GLT1D1: variants seen among roughly 807,000 people sequenced by gnomAD.
GLT1D1 encodes glycosyltransferase 1 domain containing 1.
In GLT1D1, 21 loss-of-function variants were observed where a neutral mutation model predicts 28.7. The observed-to-expected ratio is 0.73, with a 90% CI of 0.52 to 1.05. The LOEUF is 1.05. GLT1D1 is among the 50% of genes least tolerant of loss of function. The probability of loss-of-function intolerance (pLI) is 0.00; values close to 1 mark genes in which losing one functional copy is unlikely to be tolerated. For synonymous variants in GLT1D1, 147 were observed against 124.8 expected (o/e 1.18, Z -1.19); for missense variants, 343 against 330.6 (o/e 1.04, Z -0.29).
At chr12:128,969,289 C>G (rs1211281511) in intron 7 of GLT1D1, among the ~76,000 whole-genome samples, 5 of 152,116 alleles carry the variant, frequency 3.3e-5, no homozygotes, top group Admixed American at 2.6e-4. Flanking sequence ...CACTCTCTCT[C>G]TCTCTCCCTG....
chr12:128,968,335 T>C (rs1434184250), intron 7 of GLT1D1, among the ~76,000 whole-genome samples: 1 of 151,572 alleles, frequency 6.6e-6, no homozygotes, highest in Non-Finnish European at 1.5e-5. Flanking sequence ...GGTGGCTTAT[T>C]GTACGATACT....
At chr12:128,939,087 G>C (rs1229719235) in intron 4 of GLT1D1, among the ~76,000 whole-genome samples, 1 of 152,102 alleles carries the variant, frequency 6.6e-6, no homozygotes, top group African/African-American at 2.4e-5. Flanking sequence ...CACAAGACGA[G>C]GTTGCATAAG....
chr12:128,894,157 G>A (rs1355776490), intron 3 of GLT1D1, among the ~76,000 whole-genome samples: 2 of 152,142 alleles, frequency 1.3e-5, no homozygotes, highest in East Asian at 1.9e-4. Flanking sequence ...ACTGTATGGT[G>A]CTTGGATTAT....
chr12:128,956,750 A>G (rs1257018411), intron 6 of GLT1D1, among the ~76,000 whole-genome samples: 2 of 151,994 alleles, frequency 1.3e-5, no homozygotes, highest in Non-Finnish European at 2.9e-5. Context: ...TTTCCCTCTC[A>G]TGACTAGGGA....
intron 7 of GLT1D1, among the ~76,000 whole-genome samples, chr12:128,975,195 T>A (rs1352165354): frequency 6.6e-6 from 1 of 152,032 alleles, no homozygotes; most frequent in Non-Finnish European, 1.5e-5. Context: ...TCAGCGTGCT[T>A]ACACAGGGCC....
At chr12:128,979,895 A>G (rs1593222656) in intron 7 of GLT1D1, among the ~76,000 whole-genome samples, 1 of 152,256 alleles carries the variant, frequency 6.6e-6, no homozygotes, top group Non-Finnish European at 1.5e-5. Context: ...GTATTACAGT[A>G]CGGTTTTGCA....
At chr12:128,964,371 G>A (rs753885676) in intron 7 of GLT1D1, among the ~76,000 whole-genome samples, 4 of 152,188 alleles carry the variant, frequency 2.6e-5, no homozygotes, top group Non-Finnish European at 5.9e-5. Flanking sequence ...GTGACAGAGT[G>A]AGACCCTGTC....
chr12:128,975,396 C>T (rs1347492627), intron 7 of GLT1D1, among the ~76,000 whole-genome samples: 1 of 152,138 alleles, frequency 6.6e-6, no homozygotes, highest in African/African-American at 2.4e-5. Flanking sequence ...CTGACCCTAC[C>T]CAGTTGGCTT....
At chr12:128,923,094 C>T (rs545970862) in intron 4 of GLT1D1, among the ~76,000 whole-genome samples, 3 of 152,166 alleles carry the variant, frequency 2.0e-5, no homozygotes, top group African/African-American at 4.8e-5. Flanking sequence ...GATTTGCTCC[C>T]GTTGGGTATT....
intron 7 of GLT1D1, among the ~76,000 whole-genome samples, chr12:128,972,162 C>A (rs1593210680): frequency 6.6e-6 from 1 of 152,120 alleles, no homozygotes; most frequent in Non-Finnish European, 1.5e-5. Flanking sequence ...GAAGTGGCAG[C>A]TGCTCTAATG....
chr12:128,882,241 T>C (rs1957076167), intron 2 of GLT1D1, among the ~76,000 whole-genome samples: 1 of 151,712 alleles, frequency 6.6e-6, no homozygotes, highest in Admixed American at 6.6e-5. Context: ...ACAACATTAA[T>C]ACACATTACG....
chr12:128,920,071 T>TTGTA (rs1302978367), intron 4 of GLT1D1, among the ~76,000 whole-genome samples: 10 of 151,964 alleles, frequency 6.6e-5, no homozygotes, highest in Non-Finnish European at 1.5e-4. Flanking sequence ...CTAACTCAGA[T>TTGTA]TGTAGCACTT....
intron 4 of GLT1D1, among the ~76,000 whole-genome samples, chr12:128,900,168 A>G (rs935370236): frequency 5.9e-5 from 9 of 152,338 alleles, no homozygotes; most frequent in African/African-American, 2.2e-4. Context: ...ACCAAAGGTC[A>G]GTTTCCCTTT....
chr12:128,946,600 T>C (rs954231577), intron 5 of GLT1D1, among the ~76,000 whole-genome samples: 2 of 148,172 alleles, frequency 1.3e-5, no homozygotes, highest in Non-Finnish European at 3.0e-5. Context: ...CCTAAAGTGC[T>C]GGGATTACAG....
intron 3 of GLT1D1, among the ~76,000 whole-genome samples, chr12:128,896,816 A>C (rs1345377320): frequency 6.6e-6 from 1 of 152,110 alleles, no homozygotes; most frequent in Non-Finnish European, 1.5e-5. Context: ...AAATTCTGTA[A>C]ATGATTCTTT....
intron 4 of GLT1D1, among the ~76,000 whole-genome samples, chr12:128,936,321 A>G (rs1874556652): frequency 6.6e-6 from 1 of 151,620 alleles, no homozygotes; most frequent in Non-Finnish European, 1.5e-5. Context: ...CACCCAGCTA[A>G]TTTTTTGTAT....
At chr12:128,946,570 G>A (rs376535221) in intron 5 of GLT1D1, among the ~76,000 whole-genome samples, 1 of 149,522 alleles carries the variant, frequency 6.7e-6, no homozygotes, top group Non-Finnish European at 1.5e-5. Context: ...TCCTGACCTC[G>A]TGATCACCCG....
At chr12:128,874,069 T>TCCC in intron 1 of GLT1D1, among the ~76,000 whole-genome samples, 1 of 15,680 alleles carries the variant, frequency 6.4e-5, no homozygotes, top group Non-Finnish European at 9.7e-5. Flanking sequence ...CCTTTCTTTC[T>TCCC]TTCTTTCTTT....
At chr12:128,945,529 A>G (rs548549605) in intron 5 of GLT1D1, among the ~76,000 whole-genome samples, 160 bp downstream of exon 9, 3 of 152,332 alleles carry the variant, frequency 2.0e-5, no homozygotes, top group Non-Finnish European at 2.9e-5. Flanking sequence ...CCTAGGCACT[A>G]TTATTTGCCC....
Sources: gnomAD v4.1 joint callset for allele counts (sites outside exome capture counted in the v4.1 genomes callset) on GRCh38, gnomAD v4.1.1 for gene constraint, MANE v1.5 for transcripts, NCBI Gene and HGNC (gene_info 2026-07-23, HGNC 2026-07-21) for gene names.